Variants in PRKN observed in about 807,000 individuals in gnomAD.
The protein encoded by PRKN is E3 ubiquitin-protein ligase parkin.
Under a neutral mutation model 59.5 loss-of-function variants are expected in PRKN, and 56 were observed. The observed-to-expected ratio is 0.94, with a 90% CI of 0.76 to 1.18. The LOEUF is 1.18. Ranked by LOEUF, PRKN falls within the 50% of genes most tolerant of loss-of-function variation. The probability of loss-of-function intolerance (pLI) is 0.00; values close to 1 mark genes in which losing one functional copy is unlikely to be tolerated. For synonymous variants in PRKN, 250 were observed against 222.1 expected, an observed-to-expected ratio of 1.13 and a Z score of -1.12; for missense variants, 657 against 596.4, an observed-to-expected ratio of 1.10 and a Z score of -1.06.
chr6:162,488,910 C>T (rs529062334), intron 1 of PRKN, among the ~76,000 whole-genome samples: 1 of 152,100 alleles, frequency 6.6e-6, no homozygotes, highest in Admixed American at 6.5e-5. Flanking sequence ...AATTAGAACT[C>T]TGATAGGTGA....
chr6:162,154,707 T>C (rs1782429925), intron 4 of PRKN, among the ~76,000 whole-genome samples: 1 of 152,136 alleles, frequency 6.6e-6, no homozygotes, highest in Non-Finnish European at 1.5e-5. Context: ...AGATAATTTG[T>C]TATTTAAGCA....
chr6:161,773,118 G>C (rs748925659), intron 7 of PRKN, among the ~76,000 whole-genome samples: 3 of 152,186 alleles, frequency 2.0e-5, no homozygotes, highest in Non-Finnish European at 4.4e-5. Context: ...TCACACGGAG[G>C]CTTCTGGGCT....
At chr6:161,972,045 G>A (rs531880787) in intron 6 of PRKN, among the ~76,000 whole-genome samples, 18 of 152,194 alleles carry the variant, frequency 1.2e-4, no homozygotes, top group African/African-American at 3.6e-4. Context: ...GGGCTAAGGC[G>A]GGCGGATCAC....
intron 6 of PRKN, among the ~76,000 whole-genome samples, chr6:161,824,226 A>C (rs1792149107): frequency 6.6e-6 from 1 of 152,158 alleles, no homozygotes; most frequent in African/African-American, 2.4e-5. Flanking sequence ...AGAAAAAGGA[A>C]GCAGGTTTGA....
At chr6:162,235,965 G>GAAAGAAAGAAAGA (rs1562602350) in intron 3 of PRKN, among the ~76,000 whole-genome samples, 10 of 93,608 alleles carry the variant, frequency 1.1e-4, no homozygotes, top group East Asian at 1.5e-3. Context: ...AAGGAAGAAA[G>GAAAGAAAGAAAGA]AAAGAAAGAA....
intron 2 of PRKN, among the ~76,000 whole-genome samples, chr6:162,289,858 T>C (rs1266987497): frequency 6.6e-6 from 1 of 152,018 alleles, no homozygotes; most frequent in Admixed American, 6.6e-5. Flanking sequence ...AGCCGTGGGA[T>C]CATCAAGGGC....
chr6:162,301,612 T>C (rs1425599131), intron 2 of PRKN, among the ~76,000 whole-genome samples: 1 of 152,110 alleles, frequency 6.6e-6, no homozygotes, highest in Non-Finnish European at 1.5e-5. Context: ...GCCTTTTCTC[T>C]GTGTTTGTGC....
Position 161,362,498 on chromosome 6 carries a change from G to A in PRKN, c.1168-2293C>T, listed in dbSNP as rs1391473513. On this transcript the variant is annotated intron_variant, in intron 10 of 11. Transcript: ENST00000366898. The surrounding 1 kb of genome is among the most constrained non-coding windows in gnomAD (Gnocchi z 5.2). ...GACTCCTGAGGGTGACGTTCTCAGTGGAGGAAGCCAGGGCAAAAGCCCGCC... is the reference window on the plus strand; with the variant it reads ...GACTCCTGAGGGTGACGTTCTCAGTAGAGGAAGCCAGGGCAAAAGCCCGCC... Among the ~76,000 whole-genome samples the A allele has an allele frequency of 6.6e-6, 1 of 152,174 alleles. No individual in the cohort carries two copies. The highest frequency in any genetic ancestry group is 1.5e-5 in the Non-Finnish European group (1 of 68,034).
chr6:161,434,403 C>T (rs972358676), intron 9 of PRKN, among the ~76,000 whole-genome samples: 4 of 152,138 alleles, frequency 2.6e-5, no homozygotes, highest in Non-Finnish European at 2.9e-5. Flanking sequence ...ATCTGCCTGC[C>T]GGCTGTTGGG....
At chr6:161,455,861 CAAA>C (rs60382394) in intron 9 of PRKN, among the ~76,000 whole-genome samples, 7 of 72,770 alleles carry the variant, frequency 9.6e-5, no homozygotes, top group Admixed American at 1.5e-4. Context: ...GACTCCGTCT[CAAA>C]AAAAAAAAAA....
rs1790288851 is a variant in PRKN, at chr6:161,462,947, T to C, written c.1084-76070A>G. Among the ~76,000 whole-genome samples, 1 of 152,162 alleles carries C rather than the reference T, an allele frequency of 6.6e-6. No homozygotes were observed. Among genetic ancestry groups the C allele is most frequent in the South Asian group, 2.1e-4 (1 of 4,824 alleles). On this transcript the variant is annotated intron_variant, in intron 9 of 11. Coordinates refer to ENST00000366898, the MANE Select transcript of PRKN (RefSeq NM_004562.3). The surrounding 1 kb of genome is among the most constrained non-coding windows in gnomAD (Gnocchi z 4.5). ...ACTTAGTATTAACAAGGCACTACAGTAGGCTATAGGGGCATGAAGATGTCA... is the reference window on the plus strand; with the variant it reads ...ACTTAGTATTAACAAGGCACTACAGCAGGCTATAGGGGCATGAAGATGTCA...
At chr6:162,181,608 A>G (rs1583162870) in intron 4 of PRKN, among the ~76,000 whole-genome samples, 1 of 152,208 alleles carries the variant, frequency 6.6e-6, no homozygotes, top group Non-Finnish European at 1.5e-5. Flanking sequence ...AGAATCCAAC[A>G]TGGTACACCT....
intron 6 of PRKN, among the ~76,000 whole-genome samples, chr6:161,800,617 C>T (rs1393840478): frequency 6.6e-6 from 1 of 152,204 alleles, no homozygotes; most frequent in African/African-American, 2.4e-5. Flanking sequence ...GGGCTCTGCT[C>T]CCACTGATGA....
rs73590401 is a variant in PRKN, at chr6:162,132,937, C to T, written c.534+68194G>A. On this transcript the variant is annotated intron_variant, in intron 4 of 11. Coordinates refer to ENST00000366898, the MANE Select transcript of PRKN (RefSeq NM_004562.3). ...AGGTCCTGATGCAGGAGCTCAGTAA[C>T]GATACTGAGTGAACAGTCTAGAAGC... Among the ~76,000 whole-genome samples the T allele has an allele frequency of 6.5e-3, 987 of 152,258 alleles. 16 individuals carry two copies. Among genetic ancestry groups the T allele is most frequent in the African/African-American group, 0.021 (893 of 41,544 alleles).
intron 6 of PRKN, among the ~76,000 whole-genome samples, chr6:161,937,204 G>A (rs924914970): frequency 6.6e-6 from 1 of 152,222 alleles, no homozygotes; most frequent in Non-Finnish European, 1.5e-5. Flanking sequence ...TGGACTAAAC[G>A]GCTGCTATCA....
At chr6:161,721,190 T>C (rs1452771843) in intron 7 of PRKN, among the ~76,000 whole-genome samples, 1 of 152,252 alleles carries the variant, frequency 6.6e-6, no homozygotes, top group Non-Finnish European at 1.5e-5. Flanking sequence ...GTGATTTTGA[T>C]CCAACTGTGT....
chr6:162,394,965 G>A (rs1425628436), intron 2 of PRKN, among the ~76,000 whole-genome samples: 1 of 152,284 alleles, frequency 6.6e-6, no homozygotes, highest in South Asian at 2.1e-4. Context: ...GCCAGGGGTT[G>A]TCTTATTATT....
At chr6:162,298,964 C>G (rs948483103) in intron 2 of PRKN, among the ~76,000 whole-genome samples, 1 of 152,068 alleles carries the variant, frequency 6.6e-6, no homozygotes, top group Non-Finnish European at 1.5e-5. Flanking sequence ...GGCCTGGTTC[C>G]AGCCCCCGCT....
At chr6:162,608,892 G>A (rs1324084808) in intron 1 of PRKN, among the ~76,000 whole-genome samples, 2 of 152,164 alleles carry the variant, frequency 1.3e-5, no homozygotes, top group African/African-American at 4.8e-5. Context: ...TGGGGCATGG[G>A]ACAGGAGGGT....
Sources: gnomAD v4.1 joint callset for allele counts (sites outside exome capture counted in the v4.1 genomes callset) on GRCh38, gnomAD v4.1.1 for gene constraint, Gnocchi (gnomAD v3.1) non-coding constraint, MANE v1.5 for transcripts, NCBI Gene and HGNC (gene_info 2026-07-23, HGNC 2026-07-21) for gene names.